Variants in FAM135A observed in about 807,000 individuals in gnomAD.
FAM135A encodes protein FAM135A.
A neutral mutation model predicts 146.8 loss-of-function variants in FAM135A; 79 were observed. The observed-to-expected ratio is 0.54, with a 90% confidence interval of 0.45 to 0.65. The LOEUF is 0.65. Ranked by LOEUF, FAM135A falls within the 30% of genes least tolerant of loss-of-function variation. The probability of loss-of-function intolerance (pLI) is 0.00; values close to 1 mark genes in which losing one functional copy is unlikely to be tolerated. For missense variants in FAM135A, 1,623 were observed against 1,758.2 expected (o/e 0.92, Z 1.38); for synonymous variants, 562 against 603.6 (o/e 0.93, Z 1.01).
intron 2 of FAM135A, among the ~76,000 whole-genome samples, chr6:70,423,132 G>C (rs1769233556): frequency 6.6e-6 from 1 of 152,216 alleles, no homozygotes; most frequent in African/African-American, 2.4e-5. Flanking sequence ...AACGAGTGCA[G>C]AGGCCCTGAG....
At chr6:70,479,812 A>G (rs1783374293) in intron 8 of FAM135A, among the ~76,000 whole-genome samples, 1 of 152,166 alleles carries the variant, frequency 6.6e-6, no homozygotes, top group Non-Finnish European at 1.5e-5. Context: ...TATATCAGTT[A>G]CTTAAAGTAA....
intron 5 of FAM135A, among the ~76,000 whole-genome samples, chr6:70,469,815 G>A (rs1312484234): frequency 2.6e-5 from 4 of 152,044 alleles, no homozygotes; most frequent in Admixed American, 1.3e-4. Flanking sequence ...CATTTAAGAA[G>A]TGTATCAAGA....
intron 10 of FAM135A, among the ~76,000 whole-genome samples, chr6:70,486,480 C>T (rs1344504584): frequency 2.0e-5 from 3 of 152,136 alleles, no homozygotes; most frequent in Non-Finnish European, 2.9e-5. Flanking sequence ...ATGCAAAACT[C>T]ACTGGCTTTT....
At chr6:70,541,273 G>A (rs919493695) in intron 20 of FAM135A, among the ~76,000 whole-genome samples, 3 of 151,944 alleles carry the variant, frequency 2.0e-5, no homozygotes, top group African/African-American at 7.3e-5. Context: ...AGAGTGTTGG[G>A]GGGTAGGGTT....
intron 19 of FAM135A, among the ~76,000 whole-genome samples, chr6:70,537,135 C>T (rs1330635994): frequency 6.6e-6 from 1 of 151,986 alleles, no homozygotes; most frequent in Non-Finnish European, 1.5e-5. Flanking sequence ...GGGGTTTCAC[C>T]ATGTTGGCCA....
chr6:70,536,968 ACT>A (rs1796905482), intron 19 of FAM135A, among the ~76,000 whole-genome samples: 1 of 140,712 alleles, frequency 7.1e-6, no homozygotes, highest in South Asian at 2.2e-4. Context: ...ACAGAGTCTC[ACT>A]CTGTCACCAG....
At chr6:70,461,415 A>G (rs191315846) in intron 5 of FAM135A, among the ~76,000 whole-genome samples, 1 of 152,312 alleles carries the variant, frequency 6.6e-6, no homozygotes, top group African/African-American at 2.4e-5. Context: ...TATAAGGAAT[A>G]ATGGAAAACA....
At chr6:70,540,318 CTT>C (rs1190614826) in intron 20 of FAM135A, among the ~76,000 whole-genome samples, 115 of 81,526 alleles carry the variant, frequency 1.4e-3, no homozygotes, top group Middle Eastern at 0.011. Flanking sequence ...ATTCCTGCTA[CTT>C]TTTTTTTTTT....
chr6:70,477,856 A>G (rs890948736), intron 8 of FAM135A, among the ~76,000 whole-genome samples: 2 of 152,218 alleles, frequency 1.3e-5, no homozygotes, highest in East Asian at 1.9e-4. Flanking sequence ...AGTATGGGAA[A>G]CATTGGCTTG....
intron 11 of FAM135A, among the ~76,000 whole-genome samples, chr6:70,500,803 C>A (rs1383426305): frequency 2.6e-5 from 4 of 152,178 alleles, no homozygotes; most frequent in African/African-American, 9.7e-5. Context: ...TGGGTATCAC[C>A]AGTGGAGGCT....
intron 8 of FAM135A, among the ~76,000 whole-genome samples, chr6:70,479,872 A>T (rs1321938455): frequency 6.6e-6 from 1 of 152,048 alleles, no homozygotes; most frequent in Admixed American, 6.6e-5. Flanking sequence ...ACTGTTTCTT[A>T]TATTTGAATT....
intron 12 of FAM135A, among the ~76,000 whole-genome samples, chr6:70,511,149 G>C (rs569230355): frequency 6.6e-6 from 1 of 151,824 alleles, no homozygotes; most frequent in Non-Finnish European, 1.5e-5. Context: ...TTGTTGTTGA[G>C]TTTCAGTTAT....
chr6:70,455,318 G>C (rs374610921), intron 5 of FAM135A, among the ~76,000 whole-genome samples: 1 of 151,882 alleles, frequency 6.6e-6, no homozygotes, highest in African/African-American at 2.4e-5. Flanking sequence ...ATTATACATA[G>C]TGTAGAGTTT....
chr6:70,492,009 G>T (rs1411305202), intron 11 of FAM135A, among the ~76,000 whole-genome samples: 3 of 151,722 alleles, frequency 2.0e-5, no homozygotes, highest in Non-Finnish European at 4.4e-5. Flanking sequence ...AATCCCACTG[G>T]AAATTTAAGC....
intron 20 of FAM135A, among the ~76,000 whole-genome samples, chr6:70,543,125 T>A (rs1798236623): frequency 6.6e-6 from 1 of 152,212 alleles, no homozygotes; most frequent in Non-Finnish European, 1.5e-5. Flanking sequence ...ATGATATTTT[T>A]AATATTATTT....
chr6:70,513,346 G>A (rs1465649930), intron 12 of FAM135A: 1 of 147,144 alleles, frequency 6.8e-6, no homozygotes, highest in Non-Finnish European at 1.5e-5. Flanking sequence ...GGTTTTTATT[G>A]GAAAACCTTC....
chr6:70,465,074 TC>T (rs1780195554), intron 5 of FAM135A, among the ~76,000 whole-genome samples: 1 of 152,034 alleles, frequency 6.6e-6, no homozygotes, highest in African/African-American at 2.4e-5. Flanking sequence ...CATTCTGCTT[TC>T]TGTTTCTATG....
In FAM135A at chr6:70,557,082, C is replaced by T. The variant is rs947031273; in HGVS notation, c.4342+219C>T. On this transcript the variant is annotated intron_variant, in intron 21 of 21. Transcript: ENST00000418814. The stretch of plus-strand genomic sequence containing the variant: ...TACTTTCATCTAATTACAAATGCCT[C>T]TCCATTTTGCTGCCTCAGAAGTAGT... 9 of 569,598 alleles carry T rather than the reference C, an allele frequency of 1.6e-5. No homozygotes were observed. The Admixed American group carries it at 2.2e-4, about 14-fold the overall frequency. The allele number at this position is 569,598 out of a possible 1,614,324, so 35.3% of individuals were successfully genotyped here.
At chr6:70,516,914 T>C in intron 12 of FAM135A, among the ~76,000 whole-genome samples, 1 of 152,172 alleles carries the variant, frequency 6.6e-6, no homozygotes, top group Non-Finnish European at 1.5e-5. Context: ...TGTATAGCCA[T>C]TCTTTTCCAC....
Sources: gnomAD v4.1 joint callset for allele counts (sites outside exome capture counted in the v4.1 genomes callset) on GRCh38, gnomAD v4.1.1 for gene constraint, MANE v1.5 for transcripts, NCBI Gene and HGNC (gene_info 2026-07-23, HGNC 2026-07-21) for gene names.